CUX1: variants seen among roughly 807,000 people sequenced by gnomAD.
CUX1 encodes cut like homeobox 1.
In CUX1, 31 loss-of-function variants were observed where a neutral mutation model predicts 158.8. The observed-to-expected ratio is 0.20, with a 90% confidence interval of 0.15 to 0.26. The LOEUF (loss-of-function observed/expected upper bound fraction) is 0.26, where lower values mean the gene tolerates loss of function less well. Among genes scored for constraint, CUX1 ranks in the 10% least tolerant of loss-of-function variants. The pLI is 1.00. For synonymous variants in CUX1, 879 were observed against 862.1 expected (o/e 1.02, Z -0.34); for missense variants, 1,589 against 2,014.6 (o/e 0.79, Z 4.04).
intron 3 of CUX1, among the ~76,000 whole-genome samples, chr7:102,042,598 C>T (rs1025637005): frequency 1.3e-5 from 2 of 152,188 alleles, no homozygotes; most frequent in African/African-American, 4.8e-5. Context: ...TGTTAAGACC[C>T]TTTTGCTGTT....
In CUX1 at chr7:102,257,481, T is replaced by G. The variant is rs1473855265; in HGVS notation, c.*8439T>G. 1.3e-5 allele frequency: 13 copies of G among 985,196 alleles called. No individual in the cohort carries two copies. The highest frequency in any genetic ancestry group is 1.7e-5 in the African/African-American group (1 of 57,172). 61.0% of individuals were successfully genotyped at this position (985,196 alleles called of 1,614,324 possible). The stretch of plus-strand genomic sequence containing the variant: ...AATTCACCCAAAATTCTTAAAACAT[T>G]GGAGAATAGCTTGTTATAAAATAAA... On this transcript the variant is annotated 3_prime_UTR_variant, in exon 24 of 24. Coordinates refer to ENST00000292535, the MANE Select transcript of CUX1 (RefSeq NM_181552.4).
intron 22 of CUX1, chr7:102,282,874 G>A: frequency 1.9e-6 from 2 of 1,026,198 alleles, no homozygotes; most frequent in Non-Finnish European, 2.9e-6. Context: ...CCACTCCTTA[G>A]CCCTCCATCA....
At chr7:102,277,088 C>T (rs1791657914) in intron 17 of CUX1, among the ~76,000 whole-genome samples, 1 of 151,910 alleles carries the variant, frequency 6.6e-6, no homozygotes, top group South Asian at 2.1e-4. Context: ...TTGCTTGAGC[C>T]CAGGAGTTTG....
intron 20 of CUX1, among the ~76,000 whole-genome samples, chr7:102,213,768 A>G (rs1463594700): frequency 2.0e-5 from 3 of 152,168 alleles, no homozygotes; most frequent in African/African-American, 4.8e-5. Context: ...GGGGGGTGGG[A>G]ATAAAACAAG....
intron 2 of CUX1, among the ~76,000 whole-genome samples, chr7:102,002,936 C>G (rs1816867504): frequency 6.6e-6 from 1 of 152,064 alleles, no homozygotes; most frequent in African/African-American, 2.4e-5. Flanking sequence ...GAGTCTTGCT[C>G]TGTCACCCAG....
intron 9 of CUX1, among the ~76,000 whole-genome samples, chr7:102,164,107 CT>C (rs1790751775): frequency 6.6e-6 from 1 of 152,234 alleles, no homozygotes; most frequent in Non-Finnish European, 1.5e-5. Context: ...ACACTTTGAA[CT>C]GCATGTGAAA....
chr7:102,031,578 A>AT (rs1241843042), intron 3 of CUX1, among the ~76,000 whole-genome samples: 1 of 152,094 alleles, frequency 6.6e-6, no homozygotes, highest in African/African-American at 2.4e-5. Context: ...ATTATCATAG[A>AT]TTTTGAACCC....
At chr7:102,010,025 C>G in intron 2 of CUX1, among the ~76,000 whole-genome samples, 1 of 152,132 alleles carries the variant, frequency 6.6e-6, no homozygotes. Context: ...CCTCTCAGAA[C>G]TGCGGACTTC....
At chr7:102,141,849 C>T (rs1173066388) in intron 8 of CUX1, among the ~76,000 whole-genome samples, 2 of 132,354 alleles carry the variant, frequency 1.5e-5, no homozygotes, top group East Asian at 2.3e-4. Context: ...CCATGTTGGT[C>T]AGGCTGGTCT....
chr7:102,111,101 G>GT lies in CUX1; in HGVS notation c.531-586dup, dbSNP rs34055650. On this transcript the variant is annotated intron_variant, in intron 6 of 23. Coordinates refer to ENST00000292535, the MANE Select transcript of CUX1 (RefSeq NM_181552.4). ...AAATAATCAACTTATTTTTGGAGGG[G>GT]TTTTTTTTTTTCCCCCAGATTAAGA... 5.6e-3 allele frequency among the ~76,000 whole-genome samples: 821 copies of GT among 147,368 alleles called. 7 individuals carry two copies. Among genetic ancestry groups the GT allele is most frequent in the African/African-American group, 0.019 (761 of 40,392 alleles).
chr7:101,962,046 A>G (rs1046700844), intron 2 of CUX1, among the ~76,000 whole-genome samples: 26 of 152,324 alleles, frequency 1.7e-4, no homozygotes, highest in African/African-American at 5.3e-4. Flanking sequence ...TTTAGGGAGC[A>G]GGACTTGGAG....
intron 1 of CUX1, among the ~76,000 whole-genome samples, chr7:101,877,998 C>T (rs1799335011): frequency 2.0e-5 from 3 of 152,136 alleles, no homozygotes; most frequent in South Asian, 4.1e-4. Flanking sequence ...GGCCCAGGGA[C>T]TTAAGTGTTT....
intron 2 of CUX1, among the ~76,000 whole-genome samples, chr7:101,969,901 G>A (rs1461095855): frequency 4.8e-5 from 7 of 146,942 alleles, no homozygotes; most frequent in Admixed American, 7.0e-5. Context: ...TTGCCCCAAC[G>A]CGTATCAGGA....
chr7:101,829,619 C>T (rs932364229), intron 1 of CUX1, among the ~76,000 whole-genome samples: 24 of 151,092 alleles, frequency 1.6e-4, no homozygotes, highest in African/African-American at 5.4e-4. Flanking sequence ...TCTCAGGGGC[C>T]GCCCAAGATG....
At chr7:101,954,783 T>G (rs1809555287) in intron 2 of CUX1, among the ~76,000 whole-genome samples, 1 of 152,224 alleles carries the variant, frequency 6.6e-6, no homozygotes, top group African/African-American at 2.4e-5. Context: ...CTAGTCTGAC[T>G]GTTGCTTAAC....
At chr7:101,874,576 G>C (rs1298934415) in intron 1 of CUX1, among the ~76,000 whole-genome samples, 3 of 152,206 alleles carry the variant, frequency 2.0e-5, no homozygotes, top group Non-Finnish European at 4.4e-5. Context: ...GTTTCTGCGA[G>C]GTGGTGGGCG....
chr7:101,908,474 GT>G (rs1803020667), intron 1 of CUX1, among the ~76,000 whole-genome samples: 1 of 149,286 alleles, frequency 6.7e-6, no homozygotes, highest in Non-Finnish European at 1.5e-5. Flanking sequence ...TTGTTTGTTT[GT>G]TTGTTTGTTT....
rs138253504 is a variant in CUX1, at chr7:101,972,208, C to T, written c.142-55890C>T. On this transcript the variant is annotated intron_variant, in intron 2 of 23. Transcript: ENST00000292535. The stretch of plus-strand genomic sequence containing the variant: ...GTCTCGATCTCCTGACATCGTGATC[C>T]GCCTGCCTCCGCCTCCCAAAGTGCT... Among the ~76,000 whole-genome samples the T allele has an allele frequency of 8.3e-3, 1,265 of 152,284 alleles. 14 individuals are homozygous for T. The highest frequency in any genetic ancestry group is 0.03 in the South Asian group (147 of 4,826).
rs190132607 is a variant in CUX1 at position 102,172,510 on chromosome 7, A to C, written c.828+1960A>C. Among the ~76,000 whole-genome samples the C allele has an allele frequency of 1.5e-3, 221 of 152,254 alleles. 2 individuals are homozygous for C. Among genetic ancestry groups the C allele is most frequent in the African/African-American group, 5.2e-3 (214 of 41,540 alleles). ...CCTGTCCTCAGGTTATCCACCTCCCAAAGTGCTGAGATTACAAGCATGAGT... is the reference window on the plus strand; with the variant it reads ...CCTGTCCTCAGGTTATCCACCTCCCCAAGTGCTGAGATTACAAGCATGAGT... On this transcript the variant is annotated intron_variant, in intron 10 of 23. Transcript: ENST00000292535.
Sources: allele counts gnomAD v4.1 joint callset (sites outside exome capture counted in the v4.1 genomes callset), GRCh38; gene constraint gnomAD v4.1.1; transcripts MANE v1.5; gene names NCBI Gene and HGNC (gene_info 2026-07-23, HGNC 2026-07-21).